Variants in RAB6B observed in about 807,000 individuals in gnomAD.
RAB6B encodes RAB6B, member RAS oncogene family.
A neutral mutation model predicts 31.2 loss-of-function variants in RAB6B; 7 were observed. That is an observed-to-expected ratio of 0.22 (90% CI 0.13 to 0.42). The LOEUF is 0.42. Ranked by LOEUF, RAB6B falls within the 10% of genes least tolerant of loss-of-function variation. RAB6B has a pLI of 1.00. For missense variants in RAB6B, 149 were observed against 280.6 expected (o/e 0.53, Z 3.35); for synonymous variants, 105 against 104.9 (o/e 1.00, Z -0.01).
chr3:133,884,998 C>T (rs1302756351), intron 1 of RAB6B, among the ~76,000 whole-genome samples: 3 of 88,666 alleles, frequency 3.4e-5, no homozygotes, highest in African/African-American at 1.4e-4. Context: ...CAGAGGACGG[C>T]GGGGCTCATA....
chr3:133,824,638 T>A lies in RAB6B; in HGVS notation c.*4150A>T, dbSNP rs1207380507. On this transcript the variant is annotated 3_prime_UTR_variant, in exon 8 of 8. Transcript: ENST00000285208. ...CTAAATAGTTCATGTCAAACAAAAA[T>A]TCAAAGGGTGTCCTGATCTGTGTGG... 1 of 152,110 alleles carries A rather than the reference T, an allele frequency of 6.6e-6. No individual in the cohort carries two copies. Among genetic ancestry groups the A allele is most frequent in the Non-Finnish European group, 1.5e-5 (1 of 68,022 alleles). The allele number at this position is 152,110 out of a possible 1,614,324, so 9.4% of individuals were successfully genotyped here. A position where few individuals can be genotyped will look rare whatever the true frequency, so the allele number is the denominator to read the frequency against.
intron 1 of RAB6B, among the ~76,000 whole-genome samples, chr3:133,880,730 G>A (rs564283044): frequency 2.9e-4 from 42 of 144,422 alleles, no homozygotes; most frequent in Non-Finnish European, 5.6e-4. Context: ...TGCCAAGGAG[G>A]AGGGCACAGG....
At position 133,841,729 on chromosome 3, in the gene RAB6B, G is replaced by A. The variant is rs1054595302; in HGVS notation, c.130-66C>T. The A allele has an allele frequency of 7.1e-5, 109 of 1,527,842 alleles. 1 individual carries two copies. The highest frequency in any genetic ancestry group is 8.9e-5 in the Non-Finnish European group (99 of 1,108,004). The allele number at this position is 1,527,842 out of a possible 1,614,324, so 94.6% of individuals were successfully genotyped here. The stretch of plus-strand genomic sequence containing the variant: ...TCATGCAAAGGGGCAAAAGCCTAGC[G>A]ACCACAGGTGGTGGCATAACCAGCA... On this transcript the variant is annotated intron_variant, in intron 2 of 7. Coordinates refer to ENST00000285208, the MANE Select transcript of RAB6B (RefSeq NM_016577.4).
chr3:133,877,980 T>C (rs1040189071), intron 1 of RAB6B, among the ~76,000 whole-genome samples: 1 of 151,810 alleles, frequency 6.6e-6, no homozygotes, highest in South Asian at 2.1e-4. Context: ...CTGAAGACAG[T>C]AATAAAAATT....
chr3:133,880,720 T>C (rs973864589), intron 1 of RAB6B, among the ~76,000 whole-genome samples: 2 of 149,970 alleles, frequency 1.3e-5, no homozygotes, highest in Non-Finnish European at 3.0e-5. Flanking sequence ...TTTTCTACTT[T>C]GCCAAGGAGG....
chr3:133,889,012 GA>G (rs1936592637), intron 1 of RAB6B, among the ~76,000 whole-genome samples: 1 of 152,160 alleles, frequency 6.6e-6, no homozygotes, highest in Non-Finnish European at 1.5e-5. Context: ...GTGAGAAATG[GA>G]AAAGAATGGC....
intron 6 of RAB6B, among the ~76,000 whole-genome samples, chr3:133,835,472 C>CTGTG (rs3840183): frequency 2.0e-3 from 295 of 146,742 alleles, no homozygotes; most frequent in Middle Eastern, 0.014. Context: ...TGTGGGTTTT[C>CTGTG]TGTGTGTGTG....
At chr3:133,842,379 G>A (rs1238602809) in intron 2 of RAB6B, among the ~76,000 whole-genome samples, 2 of 152,252 alleles carry the variant, frequency 1.3e-5, no homozygotes, top group Non-Finnish European at 2.9e-5. Context: ...CCTTGGGCAG[G>A]CAACCAACCT....
intron 2 of RAB6B, among the ~76,000 whole-genome samples, chr3:133,860,387 G>A (rs902784159): frequency 1.3e-5 from 2 of 152,104 alleles, no homozygotes; most frequent in Non-Finnish European, 2.9e-5. Context: ...GCCACTAGCC[G>A]AGGAAGGCCC....
intron 5 of RAB6B, among the ~76,000 whole-genome samples, chr3:133,838,824 G>A (rs1012716524): frequency 6.6e-6 from 1 of 152,214 alleles, no homozygotes; most frequent in Non-Finnish European, 1.5e-5. Context: ...TAATTCAGAT[G>A]ATTCCTCAGG....
rs1328195928 is a variant in RAB6B at position 133,885,476 on chromosome 3, TG to T, written c.70+9920del. The T allele has an allele frequency of 1.9e-4, 134 of 701,754 alleles. 1 individual carries two copies. The South Asian group carries it at 1.9e-3, about 10-fold the overall frequency. The allele number at this position is 701,754 out of a possible 1,614,324, so 43.5% of individuals were successfully genotyped here. A position where few individuals can be genotyped will look rare whatever the true frequency, so the allele number is the denominator to read the frequency against. The stretch of plus-strand genomic sequence containing the variant: ...GAGGACAGAGGACTTACACACCCAA[TG>T]ACCAGAGGATGGGGGACTCACACAT... On this transcript the variant is annotated intron_variant, in intron 1 of 7. Transcript: ENST00000285208.
intron 1 of RAB6B, among the ~76,000 whole-genome samples, chr3:133,879,196 A>C (rs1169540877): frequency 6.6e-6 from 1 of 152,268 alleles, no homozygotes; most frequent in Non-Finnish European, 1.5e-5. Context: ...GCATATGTAA[A>C]GTCTTTGTAT....
At chr3:133,869,529 T>C (rs1298215396) in intron 1 of RAB6B, among the ~76,000 whole-genome samples, 2 of 152,246 alleles carry the variant, frequency 1.3e-5, no homozygotes, top group African/African-American at 4.8e-5. Context: ...TGAACAGGTG[T>C]GGCAGTTCAT....
chr3:133,868,011 C>A (rs1382388319), intron 1 of RAB6B, among the ~76,000 whole-genome samples: 1 of 152,134 alleles, frequency 6.6e-6, no homozygotes, highest in African/African-American at 2.4e-5. Context: ...AGACCCTTGT[C>A]CTCCATGCTT....
intron 1 of RAB6B, among the ~76,000 whole-genome samples, chr3:133,889,409 T>TATATATAC (rs1936601355): frequency 2.3e-5 from 1 of 43,436 alleles, no homozygotes; most frequent in Non-Finnish European, 4.3e-5. Flanking sequence ...TATATATATA[T>TATATATAC]ATATATATAT....
At chr3:133,850,332 G>A (rs1461787551) in intron 2 of RAB6B, among the ~76,000 whole-genome samples, 1 of 152,098 alleles carries the variant, frequency 6.6e-6, no homozygotes, top group Non-Finnish European at 1.5e-5. Context: ...ATAAGAAAAT[G>A]TCAGCCATAT....
At chr3:133,832,273 G>GCTC (rs1935665763) in intron 7 of RAB6B, among the ~76,000 whole-genome samples, 1 of 152,274 alleles carries the variant, frequency 6.6e-6, no homozygotes, top group African/African-American at 2.4e-5. Flanking sequence ...TGGCCCCTTG[G>GCTC]CTCCTACTTT....
intron 2 of RAB6B, among the ~76,000 whole-genome samples, chr3:133,852,817 C>T (rs540646733): frequency 1.3e-5 from 2 of 152,154 alleles, no homozygotes; most frequent in African/African-American, 4.8e-5. Flanking sequence ...CCCTGCCTTA[C>T]TGCGTGACCT....
chr3:133,869,045 G>T (rs2108006296), intron 1 of RAB6B, among the ~76,000 whole-genome samples: 1 of 152,198 alleles, frequency 6.6e-6, no homozygotes, highest in South Asian at 2.1e-4. Context: ...GGTGCAGGTG[G>T]CCGGGCAGTC....
Sources: allele counts gnomAD v4.1 joint callset (sites outside exome capture counted in the v4.1 genomes callset), GRCh38; gene constraint gnomAD v4.1.1; transcripts MANE v1.5; gene names NCBI Gene and HGNC (gene_info 2026-07-23, HGNC 2026-07-21).